The following AFF3 variants were observed in gnomAD, a reference collection of about 807,000 sequenced individuals.
The protein encoded by AFF3 is ALF transcription elongation factor 3.
In AFF3, 32 loss-of-function variants were observed where a neutral mutation model predicts 129.7. That is an observed-to-expected ratio of 0.25 (90% CI 0.19 to 0.33). The LOEUF (loss-of-function observed/expected upper bound fraction) is 0.33. Among genes scored for constraint, AFF3 ranks in the 10% least tolerant of loss-of-function variants. The pLI, the probability that AFF3 is intolerant of heterozygous loss-of-function variation, is 1.00. For synonymous variants in AFF3, 644 were observed against 635.4 expected, an observed-to-expected ratio of 1.01 and a Z score of -0.20; for missense variants, 1,373 against 1,592.0, an observed-to-expected ratio of 0.86 and a Z score of 2.34.
In AFF3 at chr2:99,969,012, G is replaced by C. The variant is rs545541759; in HGVS notation, c.873+37620C>G. On this transcript the variant is annotated intron_variant, in intron 7 of 24. Coordinates refer to ENST00000672756, the MANE Select transcript of AFF3 (RefSeq NM_001386135.1). The stretch of plus-strand genomic sequence containing the variant: ...TGTGGCTGCAGAAAGAGCACAGCAG[G>C]CTCTGGAGTCGGGCGGAACAAACTG... Among the ~76,000 whole-genome samples the C allele has an allele frequency of 4.6e-5, 7 of 152,308 alleles. No individual in the cohort carries two copies. In the East Asian group the frequency reaches 1.2e-3, roughly 25 times the overall value.
intron 11 of AFF3, among the ~76,000 whole-genome samples, chr2:99,691,497 C>T (rs957462581): frequency 1.4e-4 from 21 of 152,120 alleles, no homozygotes; most frequent in Non-Finnish European, 8.8e-5. Context: ...ACAAAGGACT[C>T]GCACTATTAA....
In AFF3 at chr2:100,131,782, G is replaced by A. The variant is rs1692438850; in HGVS notation, c.-227-2476C>T. Among the ~76,000 whole-genome samples, 11 of 152,202 alleles carry A rather than the reference G, an allele frequency of 7.2e-5. No homozygotes were observed. The South Asian group carries it at 2.3e-3, about 31-fold the overall frequency. The stretch of plus-strand genomic sequence containing the variant: ...AAGTTCCATCTGTGTGTCATACATG[G>A]CATTAGAAGATAATAGTAATGTTAA... On this transcript the variant is annotated intron_variant, in intron 1 of 24. Transcript: ENST00000672756.
At chr2:100,085,024 G>A (rs1326208103) in intron 4 of AFF3, among the ~76,000 whole-genome samples, 4 of 152,106 alleles carry the variant, frequency 2.6e-5, no homozygotes, top group Non-Finnish European at 4.4e-5. Flanking sequence ...CGGAAACTGA[G>A]TATACAAAAT....
At chr2:99,864,565 T>C (rs1297405356) in intron 7 of AFF3, among the ~76,000 whole-genome samples, 3 of 152,190 alleles carry the variant, frequency 2.0e-5, no homozygotes, top group African/African-American at 7.2e-5. Context: ...AAAGGCCTCA[T>C]GACCAGCCAT....
chr2:100,128,123 G>A (rs1227480182), intron 2 of AFF3, among the ~76,000 whole-genome samples: 1 of 138,704 alleles, frequency 7.2e-6, no homozygotes, highest in Non-Finnish European at 1.5e-5. Flanking sequence ...TGGGAGGCAC[G>A]AATAATCCAC....
At chr2:100,032,311 CCCAGCTACTCAGGAGGCTGAGG>C (rs1345549485) in intron 4 of AFF3, among the ~76,000 whole-genome samples, 1 of 152,062 alleles carries the variant, frequency 6.6e-6, no homozygotes, top group African/African-American at 2.4e-5. Context: ...CACCTGTAGT[CCCAGCTACTCAGGAGGCTGAGG>C]CAGGAAAATC....
chr2:99,580,191 C>T (rs576666799), intron 17 of AFF3, among the ~76,000 whole-genome samples: 49 of 152,256 alleles, frequency 3.2e-4, no homozygotes, highest in African/African-American at 1.1e-3. Flanking sequence ...GCCTGTAATG[C>T]TCTTTGTCTC....
chr2:99,669,566 TG>T (rs1558725036), intron 12 of AFF3, among the ~76,000 whole-genome samples: 1 of 152,226 alleles, frequency 6.6e-6, no homozygotes, highest in Non-Finnish European at 1.5e-5. Context: ...TGCAGAGTGG[TG>T]ACTGGTGGGA....
intron 5 of AFF3, 21 bp from the exon 6 acceptor site, chr2:100,007,481 C>T (rs1472741384): frequency 8.1e-6 from 13 of 1,597,796 alleles, no homozygotes; most frequent in East Asian, 2.2e-5. Context: ...AAAAACACAT[C>T]CACGCTATTG....
intron 8 of AFF3, among the ~76,000 whole-genome samples, chr2:99,816,994 T>C (rs1204805497): frequency 1.3e-5 from 2 of 152,176 alleles, no homozygotes; most frequent in African/African-American, 2.4e-5. Flanking sequence ...ATATTGCTAG[T>C]GGTTGCCATT....
intron 7 of AFF3, among the ~76,000 whole-genome samples, chr2:99,886,772 A>G (rs1693145362): frequency 6.6e-6 from 1 of 152,216 alleles, no homozygotes. Context: ...AAATTCCAAC[A>G]TCATATTTCA....
In AFF3 at chr2:99,767,283, C is replaced by T. The variant is rs533925933; in HGVS notation, c.922-14982G>A. Among the ~76,000 whole-genome samples the T allele has an allele frequency of 4.6e-5, 7 of 152,274 alleles. No homozygotes were observed. The South Asian group carries it at 6.2e-4, about 14-fold the overall frequency. ...CATGTAAACGCAACAGATCTATATT[C>T]GAACAGTTGCTGCATGGTTCTGATG... On this transcript the variant is annotated intron_variant, in intron 8 of 24. Transcript: ENST00000672756.
At position 100,048,312 on chromosome 2, in the gene AFF3, T is replaced by C. The variant is rs1686004743; in HGVS notation, c.54-39380A>G. Among the ~76,000 whole-genome samples the C allele has an allele frequency of 2.0e-5, 3 of 152,368 alleles. No homozygotes were observed. In the South Asian group the frequency reaches 6.2e-4, roughly 32 times the overall value. On this transcript the variant is annotated intron_variant, in intron 4 of 24. Transcript: ENST00000672756. ...TGTTAATGCCATTTTTAATTTAGCA[T>C]GTTACAGTGTAAATGTTTTCCATTG...
intron 12 of AFF3, among the ~76,000 whole-genome samples, chr2:99,669,806 G>T (rs1290227617): frequency 1.3e-5 from 2 of 152,034 alleles, no homozygotes; most frequent in East Asian, 3.9e-4. Context: ...CCCGTCTCTA[G>T]TGAAAATACA....
chr2:99,767,259 A>G (rs1392043288), intron 8 of AFF3, among the ~76,000 whole-genome samples: 1 of 152,202 alleles, frequency 6.6e-6, no homozygotes, highest in African/African-American at 2.4e-5. Flanking sequence ...GAACAAATAC[A>G]TGTAAACGCA....
At chr2:99,575,948 C>A (rs1287952764) in intron 18 of AFF3, among the ~76,000 whole-genome samples, 1 of 152,058 alleles carries the variant, frequency 6.6e-6, no homozygotes, top group African/African-American at 2.4e-5. Context: ...CGGTGGCTCA[C>A]GCCTATAATC....
chr2:99,787,957 C>T (rs1684926555), intron 8 of AFF3, among the ~76,000 whole-genome samples: 1 of 152,180 alleles, frequency 6.6e-6, no homozygotes, highest in South Asian at 2.1e-4. Context: ...TGACAGACTG[C>T]ATATATGAGG....
intron 8 of AFF3, among the ~76,000 whole-genome samples, chr2:99,762,629 C>G (rs1266418624): frequency 6.6e-6 from 1 of 152,204 alleles, no homozygotes; most frequent in Non-Finnish European, 1.5e-5. Context: ...CTCTGTAAGT[C>G]TCTTTTCTTG....
At chr2:99,814,005 A>T (rs1687010452) in intron 8 of AFF3, among the ~76,000 whole-genome samples, 1 of 152,200 alleles carries the variant, frequency 6.6e-6, no homozygotes, top group South Asian at 2.1e-4. Context: ...ACCTAGGCAC[A>T]GCCAACCTTG....
Sources: gnomAD v4.1 joint callset for allele counts (sites outside exome capture counted in the v4.1 genomes callset) on GRCh38, gnomAD v4.1.1 for gene constraint, MANE v1.5 for transcripts, NCBI Gene and HGNC (gene_info 2026-07-23, HGNC 2026-07-21) for gene names.